THRB: variants seen among roughly 807,000 people sequenced by gnomAD.
THRB encodes the protein thyroid hormone receptor beta.
Under a neutral mutation model 47.8 loss-of-function variants are expected in THRB, and 12 were observed. The ratio of observed to expected loss-of-function variants is 0.25; its 90% CI spans 0.16 to 0.41. The LOEUF (loss-of-function observed/expected upper bound fraction) is 0.41. Among genes scored for constraint, THRB ranks in the 10% least tolerant of loss-of-function variants. The probability of loss-of-function intolerance (pLI) is 1.00; values close to 1 mark genes in which losing one functional copy is unlikely to be tolerated. For missense variants in THRB, 348 were observed against 589.2 expected (o/e 0.59, Z 4.24); for synonymous variants, 218 against 212.2 (o/e 1.03, Z -0.24).
intron 1 of THRB, among the ~76,000 whole-genome samples, chr3:24,456,408 C>T (rs189769386): frequency 6.6e-6 from 1 of 151,780 alleles, no homozygotes; most frequent in African/African-American, 2.4e-5. Flanking sequence ...TGGTTGTCAC[C>T]TGATAGAAAT....
chr3:24,477,547 T>C (rs1175998111), intron 1 of THRB, among the ~76,000 whole-genome samples: 1 of 152,052 alleles, frequency 6.6e-6, no homozygotes, highest in Non-Finnish European at 1.5e-5. Context: ...ATACTGCTGG[T>C]CTGGGGGCAC....
chr3:24,133,115 G>A (rs112929214), intron 9 of THRB, among the ~76,000 whole-genome samples: 18 of 152,268 alleles, frequency 1.2e-4, no homozygotes, highest in East Asian at 5.8e-4. Context: ...GGCCTTACAC[G>A]GACAAGCTAA....
intron 2 of THRB, among the ~76,000 whole-genome samples, chr3:24,318,194 G>A (rs2058251848): frequency 1.3e-5 from 2 of 152,162 alleles, no homozygotes; most frequent in Non-Finnish European, 2.9e-5. Context: ...AAATCAAAAG[G>A]GAGAGTCTCT....
chr3:24,182,788 C>T (rs941966180), intron 5 of THRB, among the ~76,000 whole-genome samples: 3 of 152,162 alleles, frequency 2.0e-5, no homozygotes, highest in Non-Finnish European at 2.9e-5. Context: ...CAGAATATGA[C>T]CTCGGACTGT....
intron 3 of THRB, among the ~76,000 whole-genome samples, chr3:24,256,745 G>T (rs961391370): frequency 6.6e-6 from 1 of 151,876 alleles, no homozygotes; most frequent in Non-Finnish European, 1.5e-5. Flanking sequence ...AGAGAGATAG[G>T]TTTCATTTTC....
intron 4 of THRB, among the ~76,000 whole-genome samples, chr3:24,221,484 T>C (rs1377406396): frequency 6.6e-6 from 1 of 151,572 alleles, no homozygotes; most frequent in Non-Finnish European, 1.5e-5. Flanking sequence ...TTTAGCAGAG[T>C]GGTGATGGTG....
chr3:24,485,402 C>T (rs1697139970), intron 1 of THRB, among the ~76,000 whole-genome samples: 1 of 152,102 alleles, frequency 6.6e-6, no homozygotes, highest in African/African-American at 2.4e-5. Flanking sequence ...GAAATCTGTT[C>T]CCAAAGACAT....
At chr3:24,222,897 G>C (rs2047297288) in intron 4 of THRB, among the ~76,000 whole-genome samples, 1 of 152,194 alleles carries the variant, frequency 6.6e-6, no homozygotes, top group African/African-American at 2.4e-5. Context: ...CCAAGGCCAA[G>C]TTTTATTTTT....
intron 1 of THRB, among the ~76,000 whole-genome samples, chr3:24,365,509 T>C (rs750278711): frequency 4.6e-5 from 7 of 152,190 alleles, no homozygotes; most frequent in Non-Finnish European, 1.0e-4. Context: ...ACTTGGGCCA[T>C]AGATAAGATA....
intron 3 of THRB, among the ~76,000 whole-genome samples, chr3:24,289,092 G>A (rs1023072301): frequency 6.6e-6 from 1 of 152,306 alleles, no homozygotes; most frequent in Non-Finnish European, 1.5e-5. Context: ...CAAGAGCCCA[G>A]TGTGGGGTTT....
At chr3:24,210,374 G>A (rs1004661599) in intron 4 of THRB, among the ~76,000 whole-genome samples, 8 of 151,950 alleles carry the variant, frequency 5.3e-5, no homozygotes, top group Non-Finnish European at 8.8e-5. Context: ...GGAGATCCCC[G>A]GCTGGTGGAT....
intron 1 of THRB, among the ~76,000 whole-genome samples, chr3:24,439,550 A>G (rs17014715): frequency 0.03 from 4,543 of 152,280 alleles, 82 homozygotes; most frequent in South Asian, 0.071. Context: ...CTTTCAGTCA[A>G]TCACTACCTC....
At position 24,118,566 on chromosome 3, in the gene THRB, T is replaced by C. The variant is rs746076415; in HGVS notation, c.*4318A>G. The C allele has an allele frequency of 1.3e-5, 2 of 152,670 alleles. No individual in the cohort carries two copies. Among genetic ancestry groups the C allele is most frequent in the Non-Finnish European group, 2.9e-5 (2 of 68,042 alleles). The allele number at this position is 152,670 out of a possible 1,614,324, so 9.5% of individuals were successfully genotyped here. On this transcript the variant is annotated 3_prime_UTR_variant, in exon 11 of 11. Coordinates refer to ENST00000646209, the MANE Select transcript of THRB (RefSeq NM_001354712.2). ...CTACGAAGAAAGCATGGAGAACTAA[T>C]TTGGCTCTATGGTCAAATTAAAAAT...
At chr3:24,452,388 C>T (rs975718785) in intron 1 of THRB, among the ~76,000 whole-genome samples, 6 of 152,142 alleles carry the variant, frequency 3.9e-5, no homozygotes, top group African/African-American at 1.4e-4. Flanking sequence ...TGGTTCCCAT[C>T]CAACATTTTC....
chr3:24,463,419 A>T (rs1042150875), intron 1 of THRB, among the ~76,000 whole-genome samples: 1 of 151,824 alleles, frequency 6.6e-6, no homozygotes, highest in Non-Finnish European at 1.5e-5. Flanking sequence ...TGTGCGGCTA[A>T]TTTTTTTTAT....
At chr3:24,423,607 T>C (rs2069479641) in intron 1 of THRB, among the ~76,000 whole-genome samples, 1 of 151,910 alleles carries the variant, frequency 6.6e-6, no homozygotes, top group Non-Finnish European at 1.5e-5. Context: ...TTCATTTATG[T>C]GTCAGACTAA....
intron 3 of THRB, among the ~76,000 whole-genome samples, chr3:24,296,558 A>G (rs1267520368): frequency 6.6e-6 from 1 of 152,248 alleles, no homozygotes; most frequent in African/African-American, 2.4e-5. Flanking sequence ...TAGGTCTAAC[A>G]GAAGAGCCTG....
intron 1 of THRB, among the ~76,000 whole-genome samples, chr3:24,447,331 A>G (rs2072195789): frequency 6.6e-6 from 1 of 152,210 alleles, no homozygotes; most frequent in South Asian, 2.1e-4. Flanking sequence ...AACTAGGCTT[A>G]GCCATTTAAA....
intron 2 of THRB, among the ~76,000 whole-genome samples, chr3:24,303,307 G>C (rs764907158): frequency 6.6e-6 from 1 of 152,148 alleles, no homozygotes; most frequent in Non-Finnish European, 1.5e-5. Flanking sequence ...TGAGTGTTTG[G>C]GCCAAAGGGT....
Sources: allele counts gnomAD v4.1 joint callset (sites outside exome capture counted in the v4.1 genomes callset), GRCh38; gene constraint gnomAD v4.1.1; transcripts MANE v1.5; gene names NCBI Gene and HGNC (gene_info 2026-07-23, HGNC 2026-07-21).